LSP1: variants seen among roughly 807,000 people sequenced by gnomAD.
LSP1 encodes the protein lymphocyte specific protein 1.
In LSP1, 32 loss-of-function variants were observed where a neutral mutation model predicts 49.3. The ratio of observed to expected loss-of-function variants is 0.65; its 90% CI spans 0.49 to 0.87. The LOEUF (loss-of-function observed/expected upper bound fraction) is 0.87. Ranked by LOEUF, LSP1 falls within the 40% of genes least tolerant of loss-of-function variation. LSP1 has a pLI of 0.00. For missense variants in LSP1, 428 were observed against 442.6 expected (o/e 0.97, Z 0.30); for synonymous variants, 179 against 178.8 (o/e 1.00, Z -0.01).
At chr11:1,890,564 C>G (rs760582443) in intron 10 of LSP1, 1 of 710,124 alleles carries the variant, frequency 1.4e-6, no homozygotes, top group South Asian at 1.5e-5. Context: ...CGGGTGCCAT[C>G]GACGCAGCCG....
chr11:1,886,852 A>G lies in LSP1; in HGVS notation c.838A>G (p.Thr280Ala). Residue 280 changes from threonine to alanine, a missense_variant, in exon 8 of 11, where the codon ACT becomes GCT. Transcript: ENST00000311604. The stretch of plus-strand genomic sequence containing the variant: ...GGTACAGGCTCAGTCTGCGGCCAAG[A>G]CTCCGTCCTGCAAGGTAAGGTCCCC... ...GEVQAQSAAKTPSCKDIVAGD... is the reference protein window; with the variant it reads ...GEVQAQSAAKAPSCKDIVAGD... 1.2e-6 allele frequency: 2 copies of G among 1,611,228 alleles called. No individual in the cohort carries two copies. Among genetic ancestry groups the G allele is most frequent in the Non-Finnish European group, 1.7e-6 (2 of 1,179,618 alleles).
chr11:1,881,947 G>A (rs1245290516), intron 3 of LSP1, among the ~76,000 whole-genome samples: 2 of 152,164 alleles, frequency 1.3e-5, no homozygotes, highest in African/African-American at 2.4e-5. Context: ...AGGCCAGGCC[G>A]GGTGCTGCCA....
chr11:1,866,754 C>T (rs1285324855), intron 1 of LSP1: 3 of 1,550,414 alleles, frequency 1.9e-6, no homozygotes, highest in Non-Finnish European at 1.7e-6. Flanking sequence ...CCCCCAGGCT[C>T]ACCAGTGCTA....
At chr11:1,868,474 C>T (rs1369444886) in intron 1 of LSP1, among the ~76,000 whole-genome samples, 1 of 152,248 alleles carries the variant, frequency 6.6e-6, no homozygotes, top group Non-Finnish European at 1.5e-5. Flanking sequence ...GGCAGGGACC[C>T]ACCCTGAGCA....
intron 1 of LSP1, among the ~76,000 whole-genome samples, chr11:1,875,976 C>T (rs932543269): frequency 6.6e-5 from 10 of 152,236 alleles, no homozygotes; most frequent in African/African-American, 1.9e-4. Context: ...AGGACCCCTG[C>T]GTGTGGCACA....
chr11:1,881,940 C>T (rs2133117710), intron 3 of LSP1, among the ~76,000 whole-genome samples: 2 of 152,276 alleles, frequency 1.3e-5, no homozygotes, highest in East Asian at 3.9e-4. Context: ...AGCTGCGAGG[C>T]CAGGCCGGGT....
At chr11:1,880,334 G>A (rs1446619275) in intron 2 of LSP1, 110 bp downstream of exon 2, 13 of 1,316,436 alleles carry the variant, frequency 9.9e-6, no homozygotes, top group African/African-American at 1.5e-5. Flanking sequence ...AGTGCAGGAT[G>A]AGAGCGAGGA....
At chr11:1,860,872 GGAA>G (rs1847611718) in intron 1 of LSP1, among the ~76,000 whole-genome samples, 1 of 152,170 alleles carries the variant, frequency 6.6e-6, no homozygotes, top group Non-Finnish European at 1.5e-5. Context: ...TTGGATGGCT[GGAA>G]TATGGACATA....
At chr11:1,869,922 TG>T (rs1847928505) in intron 1 of LSP1, among the ~76,000 whole-genome samples, 1 of 152,066 alleles carries the variant, frequency 6.6e-6, no homozygotes, top group African/African-American at 2.4e-5. Context: ...TGTCCCTGCC[TG>T]GTCTTCCCCA....
intron 1 of LSP1, chr11:1,868,827 G>C (rs1376028549): frequency 1.0e-6 from 1 of 985,686 alleles, no homozygotes; most frequent in Non-Finnish European, 1.2e-6. Context: ...CCCAGCCGGC[G>C]AACCAGAGCT....
chr11:1,881,633 C>T (rs910673777), intron 3 of LSP1, 37 bp downstream of exon 3: 7 of 1,417,792 alleles, frequency 4.9e-6, no homozygotes, highest in African/African-American at 4.7e-5. Context: ...CTGGGCAGAG[C>T]AGGGCTCCCT....
intron 1 of LSP1, among the ~76,000 whole-genome samples, chr11:1,878,655 G>A (rs1370619668): frequency 2.0e-5 from 3 of 152,120 alleles, no homozygotes; most frequent in East Asian, 1.9e-4. Flanking sequence ...TCTGGCCAGG[G>A]GACTGGGGCC....
chr11:1,890,752 G>T, intron 10 of LSP1: 2 of 602,374 alleles, frequency 3.3e-6, no homozygotes, highest in East Asian at 5.5e-5. Context: ...TGCTGAGCTC[G>T]ACTGTGCCTT....
intron 1 of LSP1, among the ~76,000 whole-genome samples, chr11:1,861,704 TG>T (rs1847635281): frequency 7.0e-6 from 1 of 143,522 alleles, no homozygotes; most frequent in Admixed American, 7.1e-5. Context: ...GGTGGATGGA[TG>T]GATGGATGGA....
At chr11:1,891,414 C>G (rs1589837888) in intron 10 of LSP1, 2 of 152,342 alleles carry the variant, frequency 1.3e-5, no homozygotes, top group African/African-American at 4.8e-5. Context: ...GCGGAAGGAG[C>G]CTGCTTAGGA....
intron 1 of LSP1, chr11:1,869,780 G>C (rs899327101): frequency 7.0e-6 from 3 of 429,566 alleles, no homozygotes; most frequent in Non-Finnish European, 1.4e-5. Flanking sequence ...AAAATGGGGC[G>C]CCCCACAGAG....
At chr11:1,869,568 G>A (rs1430089349) in intron 1 of LSP1, 1 of 459,198 alleles carries the variant, frequency 2.2e-6, no homozygotes, top group Non-Finnish European at 4.6e-6. Context: ...GACCCCAGGT[G>A]TGGGAGGAGG....
At chr11:1,857,390 G>A (rs897772185) in intron 1 of LSP1, among the ~76,000 whole-genome samples, 4 of 152,186 alleles carry the variant, frequency 2.6e-5, no homozygotes, top group Non-Finnish European at 5.9e-5. Flanking sequence ...GCTACCCTAC[G>A]GGCCAGCCTG....
intron 1 of LSP1, 111 bp downstream of exon 1, chr11:1,853,308 C>A: frequency 8.5e-7 from 1 of 1,174,814 alleles, no homozygotes; most frequent in East Asian, 2.6e-5. Flanking sequence ...TCTGGGGCCC[C>A]CAATGGGAGA....
Sources: gnomAD v4.1 joint callset for allele counts (sites outside exome capture counted in the v4.1 genomes callset) on GRCh38, gnomAD v4.1.1 for gene constraint, MANE v1.5 for transcripts, NCBI Gene and HGNC (gene_info 2026-07-23, HGNC 2026-07-21) for gene names.